TRIP10: variants seen among roughly 807,000 people sequenced by gnomAD.
TRIP10 encodes the protein thyroid hormone receptor interactor 10.
Under a neutral mutation model 80.9 loss-of-function variants are expected in TRIP10, and 54 were observed. That is an observed-to-expected ratio of 0.67 (90% CI 0.54 to 0.84). The LOEUF is 0.84. Among genes scored for constraint, TRIP10 ranks in the 40% least tolerant of loss-of-function variants. The pLI is 0.00. For synonymous variants in TRIP10, 321 were observed against 307.2 expected, an observed-to-expected ratio of 1.04 and a Z score of -0.47; for missense variants, 773 against 815.3, an observed-to-expected ratio of 0.95 and a Z score of 0.63.
intron 11 of TRIP10, among the ~76,000 whole-genome samples, chr19:6,747,268 G>T (rs1168203991): frequency 6.6e-6 from 1 of 152,166 alleles, no homozygotes; most frequent in Non-Finnish European, 1.5e-5. Flanking sequence ...AGACTACAGT[G>T]AGCTGTGACT....
chr19:6,743,615 C>CGGGGGGGGGGTGGGGGGGGG lies in TRIP10; in HGVS notation c.513+29_513+30insGGGGGGGGGGGGGGGGGGTG. 1.3e-6 allele frequency: 1 copy of CGGGGGGGGGGTGGGGGGGGG among 770,172 alleles called. No homozygotes were observed. The highest frequency in any genetic ancestry group is 2.0e-5 in the South Asian group (1 of 50,312). 47.7% of individuals were successfully genotyped at this position (770,172 alleles called of 1,614,324 possible). On this transcript the variant is annotated intron_variant, in intron 6 of 14. Transcript: ENST00000313244. ...GTGGAGAAGGTGTGTGTGGCGGGGGCGGGGGGGGGGTGCGGGGTCTGGGAC... is the reference window on the plus strand; with the variant it reads ...GTGGAGAAGGTGTGTGTGGCGGGGGCGGGGGGGGGGTGGGGGGGGGGGGGGGGGGGTGCGGGGTCTGGGAC...
At chr19:6,741,317 G>T in intron 3 of TRIP10, 36 bp downstream of exon 3, 1 of 1,581,004 alleles carries the variant, frequency 6.3e-7, no homozygotes. Flanking sequence ...CTAGATTTGT[G>T]GGGAAAGGCG....
In TRIP10 at chr19:6,751,314, G is replaced by A. The variant is rs756038735; in HGVS notation, c.*103G>A. ...TATTTCTGACCCCGTGGCTTCGGCT[G>A]AGACCTGTGTAACCTGCTGCCCCCT... On this transcript the variant is annotated 3_prime_UTR_variant, in exon 15 of 15. Transcript: ENST00000313244. The A allele has an allele frequency of 1.3e-6, 2 of 1,580,834 alleles. No individual in the cohort carries two copies. The highest frequency in any genetic ancestry group is 1.2e-5 in the South Asian group (1 of 86,124).
In TRIP10 at chr19:6,751,388, C is replaced by A; in HGVS notation, c.*177C>A. On this transcript the variant is annotated 3_prime_UTR_variant, in exon 15 of 15. Coordinates refer to ENST00000313244, the MANE Select transcript of TRIP10 (RefSeq NM_001288962.2). ...GTCACACCGGACGGACCCGCTGTGC[C>A]TTCTACCATCGTTCCACCATTGATG... 1 of 1,355,620 alleles carries A rather than the reference C, an allele frequency of 7.4e-7. No individual in the cohort carries two copies. Among genetic ancestry groups the A allele is most frequent in the Non-Finnish European group, 9.6e-7 (1 of 1,042,472 alleles). 84.0% of individuals were successfully genotyped at this position (1,355,620 alleles called of 1,614,324 possible).
Position 6,751,393 on chromosome 19 carries a change from AC to A in TRIP10, c.*184del. 7.4e-7 allele frequency: 1 copy of A among 1,344,522 alleles called. No individual in the cohort carries two copies. The highest frequency in any genetic ancestry group is 9.7e-7 in the Non-Finnish European group (1 of 1,034,864). The allele number at this position is 1,344,522 out of a possible 1,614,324, so 83.3% of individuals were successfully genotyped here. A position where few individuals can be genotyped will look rare whatever the true frequency, so the allele number is the denominator to read the frequency against. On this transcript the variant is annotated 3_prime_UTR_variant, in exon 15 of 15. Transcript: ENST00000313244. ...ACCGGACGGACCCGCTGTGCCTTCT[AC>A]CATCGTTCCACCATTGATGTACATA...
In TRIP10 at chr19:6,746,155, C is replaced by A; in HGVS notation, c.1111C>A (p.Pro371Thr). The part of the protein sequence containing the change: ...ILSEISKSVK[P>T]RLASFRSLRG... ...GAGCGAGATCAGTAAGTCGGTCAAA[C>A]CGAGGCTAGCATCCTTCCGCAGCCT... Residue 371 changes from proline to threonine, a missense_variant, in exon 10 of 15, where the codon CCG (proline) becomes ACG (threonine). By Grantham distance (38) the Pro-to-Thr change is conservative. Transcript: ENST00000313244. The surrounding 1 kb of genome is among the most constrained non-coding windows in gnomAD (Gnocchi z 6.2). The A allele has an allele frequency of 6.5e-7, 1 of 1,546,566 alleles. No individual in the cohort carries two copies. The highest frequency in any genetic ancestry group is 1.2e-5 in the South Asian group (1 of 83,730).
chr19:6,743,623 G>GGGTGGGGGGGGGGGGGGGGGGGGGGGGGC, intron 6 of TRIP10, 25 bp downstream of exon 6: 1 of 1,438,136 alleles, frequency 7.0e-7, no homozygotes, highest in Admixed American at 1.8e-5. Flanking sequence ...GGCGGGGGGG[G>GGGTGGGGGGGGGGGGGGGGGGGGGGGGGC]GGTGCGGGGT....
Position 6,743,522 on chromosome 19 carries a change from G to GGGAGGCAGA in TRIP10, c.439_447dup (p.Glu147_Glu149dup), listed in dbSNP as rs780202082. ...AAGCGTAAATTTGAGCGGGACTGCC[G>GGGAGGCAGA]GGAGGCAGAGAAGGCAGCCCAGACT... On this transcript the variant is annotated inframe_insertion, in exon 6 of 15. Transcript: ENST00000313244. 1.2e-6 allele frequency: 2 copies of GGGAGGCAGA among 1,613,648 alleles called. No individual in the cohort carries two copies.
intron 1 of TRIP10, among the ~76,000 whole-genome samples, chr19:6,740,080 G>C (rs1968863120): frequency 6.6e-6 from 1 of 152,116 alleles, no homozygotes; most frequent in Non-Finnish European, 1.5e-5. Context: ...CACCTATTTT[G>C]GGCGCCCTGG....
rs750052354 is a variant in TRIP10 at position 6,743,758 on chromosome 19, C to T, written c.564C>T (p.Asn188=). 2.0e-5 allele frequency: 33 copies of T among 1,614,010 alleles called. No individual in the cohort carries two copies. In the Admixed American group the frequency reaches 3.5e-4, roughly 17 times the overall value. The change falls in exon 7 of 15, where the codon AAC becomes AAT. Residue 188 remains asparagine (N), a synonymous_variant. Coordinates refer to ENST00000313244, the MANE Select transcript of TRIP10 (RefSeq NM_001288962.2). ...GTCACATGGCCGAAGAAAGCAAAAACGAATATGCGGCTCAACTGCAGCGCT... is the reference window on the plus strand; with the variant it reads ...GTCACATGGCCGAAGAAAGCAAAAATGAATATGCGGCTCAACTGCAGCGCT... ...LRSHMAEESK[N]EYAAQLQRFN...
In TRIP10 at chr19:6,746,514, G is replaced by A. The variant is rs1264859721; in HGVS notation, c.1215G>A (p.Gln405=). 2 of 1,614,078 alleles carry A rather than the reference G, an allele frequency of 1.2e-6. No individual in the cohort carries two copies. The highest frequency in any genetic ancestry group is 1.1e-5 in the South Asian group (1 of 91,094). ...PPEQQRKRLQ[Q]QLEERSRELQ... ...AGCAGCAGCGAAAACGGCTTCAACA[G>A]CAGTTGGAAGAACGCAGTCGTGAAC... is the stretch of plus-strand genomic sequence containing the variant. Residue 405 remains glutamine (Q), a synonymous_variant, in exon 11 of 15, where the codon CAG becomes CAA. Transcript: ENST00000313244. The surrounding 1 kb of genome is among the most constrained non-coding windows in gnomAD (Gnocchi z 6.2).
Position 6,744,509 on chromosome 19 carries a change from C to T in TRIP10, c.643-45C>T, listed in dbSNP as rs1262554194. 4.3e-6 allele frequency: 7 copies of T among 1,611,562 alleles called. No homozygotes were observed. Among genetic ancestry groups the T allele is most frequent in the Middle Eastern group, 1.7e-4 (1 of 6,060 alleles). On this transcript the variant is annotated intron_variant, in intron 7 of 14. Coordinates refer to ENST00000313244, the MANE Select transcript of TRIP10 (RefSeq NM_001288962.2). The surrounding 1 kb of genome is among the most constrained non-coding windows in gnomAD (Gnocchi z 4.9). The stretch of plus-strand genomic sequence containing the variant: ...CAGAGTGAATCACTGTGCTTCTAGT[C>T]CCTCTGTTAGCACCCCTGAGCCACC...
At chr19:6,740,852 T>C in intron 1 of TRIP10, 158 bp from the exon 2 acceptor site, 2 of 620,000 alleles carry the variant, frequency 3.2e-6, no homozygotes, top group Non-Finnish European at 5.6e-6. Context: ...GCCAGTTTCC[T>C]GCCTCCCCCC....
chr19:6,751,382 C>T lies in TRIP10; in HGVS notation c.*171C>T. 1 of 1,370,230 alleles carries T rather than the reference C, an allele frequency of 7.3e-7. No homozygotes were observed. Among genetic ancestry groups the T allele is most frequent in the Non-Finnish European group, 9.5e-7 (1 of 1,049,392 alleles). The allele number at this position is 1,370,230 out of a possible 1,614,324, so 84.9% of individuals were successfully genotyped here. A position where few individuals can be genotyped will look rare whatever the true frequency, so the allele number is the denominator to read the frequency against. The stretch of plus-strand genomic sequence containing the variant: ...CTACCTGTCACACCGGACGGACCCG[C>T]TGTGCCTTCTACCATCGTTCCACCA... On this transcript the variant is annotated 3_prime_UTR_variant, in exon 15 of 15. Transcript: ENST00000313244.
At chr19:6,741,306 G>A (rs1336290190) in intron 3 of TRIP10, 25 bp downstream of exon 3, 1 of 1,594,998 alleles carries the variant, frequency 6.3e-7, no homozygotes, top group Non-Finnish European at 8.5e-7. Flanking sequence ...GGGCTGCAGG[G>A]CTAGATTTGT....
chr19:6,743,833 C>T lies in TRIP10; in HGVS notation c.639C>T (p.Phe213=), dbSNP rs761543944. The T allele has an allele frequency of 4.3e-6, 7 of 1,613,820 alleles. No individual in the cohort carries two copies. The highest frequency in any genetic ancestry group is 2.2e-5 in the South Asian group (2 of 91,058). ...ATTTTTCACAGATGCCCCAGATATT[C>T]GATGTGAGTGCTCCCAGTTCTCAGA... ...HFYFSQMPQI[F]DKLQDMDERR... Residue 213 remains phenylalanine (F), a synonymous_variant, in exon 7 of 15, where the codon TTC becomes TTT. Transcript: ENST00000313244.
chr19:6,751,116 G>A lies in TRIP10; in HGVS notation c.1711G>A (p.Glu571Lys). 6.2e-7 allele frequency: 1 copy of A among 1,612,630 alleles called. No homozygotes were observed. The highest frequency in any genetic ancestry group is 1.1e-5 in the South Asian group (1 of 90,748). ...CGAGGGTGAAGACCTCAGTCTTATGGAAGAAGACAAAGGGGACGGCTGGAC... is the reference window on the plus strand; with the variant it reads ...CGAGGGTGAAGACCTCAGTCTTATGAAAGAAGACAAAGGGGACGGCTGGAC... The part of the protein sequence containing the change: ...MAEGEDLSLM[E>K]EDKGDGWTRV... Residue 571 changes from glutamate to lysine, a missense_variant, in exon 15 of 15, where the codon GAA becomes AAA. By Grantham distance (56) the Glu-to-Lys change is moderately conservative (BLOSUM62 1). Coordinates refer to ENST00000313244, the MANE Select transcript of TRIP10 (RefSeq NM_001288962.2).
At position 6,743,497 on chromosome 19, in the gene TRIP10, A is replaced by C. The variant is rs752974350; in HGVS notation, c.412A>C (p.Lys138Gln). The change falls in exon 6 of 15, where the codon AAG becomes CAG. Residue 138 changes from lysine to glutamine, a missense_variant. By Grantham distance (53) the Lys-to-Gln change is moderately conservative. Coordinates refer to ENST00000313244, the MANE Select transcript of TRIP10 (RefSeq NM_001288962.2). Reference protein sequence around the residue: ...ENGFKQLENSKRKFERDCREA... With the variant: ...ENGFKQLENSQRKFERDCREA... ...TCCGGTTCTGTCCCCTACACAGAGT[A>C]AGCGTAAATTTGAGCGGGACTGCCG... 6.2e-7 allele frequency: 1 copy of C among 1,613,762 alleles called. No homozygotes were observed.
rs1969264631 is a variant in TRIP10 at position 6,750,651 on chromosome 19, G to A, written c.1657+18G>A. The A allele has an allele frequency of 6.2e-7, 1 of 1,613,248 alleles. No individual in the cohort carries two copies. Among genetic ancestry groups the A allele is most frequent in the Admixed American group, 1.7e-5 (1 of 59,902 alleles). On this transcript the variant is annotated intron_variant, in intron 14 of 14. Coordinates refer to ENST00000313244, the MANE Select transcript of TRIP10 (RefSeq NM_001288962.2). ...CTTTGAAGGTGAGAACGGCCAGAGT[G>A]GGCTTGGCGGGGTATGGGAGGCAGT...
Sources: gnomAD v4.1 joint callset for allele counts (sites outside exome capture counted in the v4.1 genomes callset) on GRCh38, gnomAD v4.1.1 for gene constraint, Gnocchi (gnomAD v3.1) non-coding constraint, MANE v1.5 for transcripts, NCBI Gene and HGNC (gene_info 2026-07-23, HGNC 2026-07-21) for gene names.